XYLT1: variants seen among roughly 807,000 people sequenced by gnomAD.
XYLT1 encodes the protein beta-D-xylosyltransferase 1.
A neutral mutation model predicts 91.3 loss-of-function variants in XYLT1; 36 were observed. The ratio of observed to expected loss-of-function variants is 0.39; its 90% CI spans 0.30 to 0.52. XYLT1 has a LOEUF of 0.52. XYLT1 is among the 20% of genes least tolerant of loss of function. XYLT1 has a pLI of 0.68. For synonymous variants in XYLT1, 588 were observed against 532.0 expected, an observed-to-expected ratio of 1.11 and a Z score of -1.45; for missense variants, 1,242 against 1,284.5, an observed-to-expected ratio of 0.97 and a Z score of 0.51.
chr16:17,210,417 A>G (rs2032735275), intron 3 of XYLT1, among the ~76,000 whole-genome samples: 1 of 152,154 alleles, frequency 6.6e-6, no homozygotes, highest in African/African-American at 2.4e-5. Context: ...TCTCTACTAA[A>G]AATGCAAAAA....
intron 1 of XYLT1, among the ~76,000 whole-genome samples, chr16:17,397,802 A>G (rs1448428411): frequency 6.7e-6 from 1 of 148,766 alleles, no homozygotes. Context: ...CGATTTTACT[A>G]GGGCACTCCA....
At chr16:17,210,836 C>T (rs562892405) in intron 3 of XYLT1, among the ~76,000 whole-genome samples, 3 of 152,318 alleles carry the variant, frequency 2.0e-5, no homozygotes, top group African/African-American at 4.8e-5. Flanking sequence ...GAATACCCTA[C>T]CAGCAAACTC....
intron 1 of XYLT1, among the ~76,000 whole-genome samples, chr16:17,462,002 A>C (rs917750962): frequency 2.6e-5 from 4 of 152,136 alleles, no homozygotes; most frequent in African/African-American, 9.7e-5. Context: ...CATAGTTGCA[A>C]TGTTTGTGCC....
intron 6 of XYLT1, among the ~76,000 whole-genome samples, chr16:17,149,485 A>C (rs16968512): frequency 0.021 from 3,205 of 152,314 alleles, 118 homozygotes; most frequent in African/African-American, 0.073. Context: ...CCTGTCTGGT[A>C]ATCTGTCATT....
chr16:17,129,027 C>T (rs67498206), intron 9 of XYLT1, among the ~76,000 whole-genome samples: 35,096 of 144,630 alleles, frequency 0.24, 4,639 homozygotes, highest in East Asian at 0.58. Context: ...TCACACATCT[C>T]CTGAAATCAT....
At chr16:17,298,944 T>C (rs972399641) in intron 2 of XYLT1, among the ~76,000 whole-genome samples, 6 of 152,202 alleles carry the variant, frequency 3.9e-5, no homozygotes, top group Non-Finnish European at 8.8e-5. Context: ...CTCTGGGCTA[T>C]TAAAGATTAT....
At chr16:17,428,103 C>T (rs183785406) in intron 1 of XYLT1, among the ~76,000 whole-genome samples, 233 of 152,168 alleles carry the variant, frequency 1.5e-3, no homozygotes, top group African/African-American at 5.3e-3. Flanking sequence ...CGATTCTCAC[C>T]CTCCTGAGTA....
chr16:17,353,217 C>T (rs2035244929), intron 2 of XYLT1, among the ~76,000 whole-genome samples: 1 of 152,222 alleles, frequency 6.6e-6, no homozygotes, highest in Non-Finnish European at 1.5e-5. Flanking sequence ...CCCTCTAACT[C>T]TAGCTGAGTT....
At chr16:17,195,202 C>A (rs758239741) in intron 5 of XYLT1, among the ~76,000 whole-genome samples, 6 of 152,158 alleles carry the variant, frequency 3.9e-5, no homozygotes, top group Non-Finnish European at 7.4e-5. Context: ...GATGATGCTA[C>A]GCATCCTGCA....
At chr16:17,284,547 G>T (rs968599793) in intron 2 of XYLT1, among the ~76,000 whole-genome samples, 2 of 152,230 alleles carry the variant, frequency 1.3e-5, no homozygotes, top group Non-Finnish European at 2.9e-5. Flanking sequence ...GTAGCATTTG[G>T]GTGGCCCAAT....
At position 17,197,014 on chromosome 16, in the gene XYLT1, A is replaced by AATATATATATATATATATATATAT. The variant is rs536988187; in HGVS notation, c.1289+1197_1289+1198insATATATATATATATATATATATAT. ...TGACAGAGCGAGACTCTGTCTCCAA[A>AATATATATATATATATATATATAT]ATATATATATATATATAGATATATA... On this transcript the variant is annotated intron_variant, in intron 5 of 11. Coordinates refer to ENST00000261381, the MANE Select transcript of XYLT1 (RefSeq NM_022166.4). Among the ~76,000 whole-genome samples the AATATATATATATATATATATATAT allele has an allele frequency of 5.7e-3, 623 of 109,940 alleles. 15 individuals carry two copies. Among genetic ancestry groups the AATATATATATATATATATATATAT allele is most frequent in the Non-Finnish European group, 7.8e-3 (446 of 57,410 alleles). The allele number at this position is 109,940 out of a possible 152,430, so 72.1% of individuals were successfully genotyped here.
rs3060128 is a variant in XYLT1 at position 17,253,823 on chromosome 16, T to TGAGAGAGAGAGA, written c.913+5153_913+5164dup. Among the ~76,000 whole-genome samples, 988 of 114,794 alleles carry TGAGAGAGAGAGA rather than the reference T, an allele frequency of 8.6e-3. 9 individuals carry two copies. The highest frequency in any genetic ancestry group is 0.044 in the Admixed American group (484 of 10,882). 75.3% of individuals were successfully genotyped at this position (114,794 alleles called of 152,430 possible). ...CCCTGCCTTCTTCTCCCTTGCAACTTGAGAGAGAGAGAGAGAGAGAGAGAG... is the reference window on the plus strand; with the variant it reads ...CCCTGCCTTCTTCTCCCTTGCAACTTGAGAGAGAGAGAGAGAGAGAGAGAGAGAGAGAGAGAG... On this transcript the variant is annotated intron_variant, in intron 3 of 11. Coordinates refer to ENST00000261381, the MANE Select transcript of XYLT1 (RefSeq NM_022166.4).
intron 1 of XYLT1, among the ~76,000 whole-genome samples, chr16:17,420,181 G>A (rs926060681): frequency 6.6e-6 from 1 of 152,080 alleles, no homozygotes; most frequent in Non-Finnish European, 1.5e-5. Context: ...AGCCACAAGT[G>A]CCCAAATTAT....
In XYLT1 at chr16:17,181,340, A is replaced by T. The variant is rs192879129; in HGVS notation, c.1289+16872T>A. On this transcript the variant is annotated intron_variant, in intron 5 of 11. Coordinates refer to ENST00000261381, the MANE Select transcript of XYLT1 (RefSeq NM_022166.4). ...CTGCATTTCTGTATTAGTACAAGGA[A>T]TAGAGACATAAAATATAAGAGGAAG... Among the ~76,000 whole-genome samples, 306 of 152,346 alleles carry T rather than the reference A, an allele frequency of 2.0e-3. 1 individual carries two copies. Among genetic ancestry groups the T allele is most frequent in the African/African-American group, 7.1e-3 (297 of 41,592 alleles).
chr16:17,251,605 G>T (rs781578358), intron 3 of XYLT1, among the ~76,000 whole-genome samples: 1 of 152,200 alleles, frequency 6.6e-6, no homozygotes, highest in African/African-American at 2.4e-5. Context: ...ACACAGAGAG[G>T]CTGGTGGCCG....
chr16:17,316,823 ATTTT>A (rs879309501), intron 2 of XYLT1, among the ~76,000 whole-genome samples: 1 of 131,270 alleles, frequency 7.6e-6, no homozygotes, highest in Non-Finnish European at 1.6e-5. Context: ...CCACAGGCAG[ATTTT>A]TTTTTTTTTT....
chr16:17,318,863 C>T (rs1023625128), intron 2 of XYLT1, among the ~76,000 whole-genome samples: 1 of 151,954 alleles, frequency 6.6e-6, no homozygotes, highest in Non-Finnish European at 1.5e-5. Flanking sequence ...TCTCAGCTCC[C>T]TGCAACCTCT....
intron 2 of XYLT1, among the ~76,000 whole-genome samples, chr16:17,340,550 C>T (rs1028331811): frequency 6.6e-6 from 1 of 152,224 alleles, no homozygotes; most frequent in Non-Finnish European, 1.5e-5. Flanking sequence ...ACAAACTGCA[C>T]AGAATGGTAG....
intron 2 of XYLT1, among the ~76,000 whole-genome samples, chr16:17,281,654 G>A (rs990090026): frequency 6.6e-6 from 1 of 152,162 alleles, no homozygotes; most frequent in African/African-American, 2.4e-5. Context: ...GTAAGTGTTG[G>A]CAAGGTGTTA....
Sources: allele counts gnomAD v4.1 joint callset (sites outside exome capture counted in the v4.1 genomes callset), GRCh38; gene constraint gnomAD v4.1.1; transcripts MANE v1.5; gene names NCBI Gene and HGNC (gene_info 2026-07-23, HGNC 2026-07-21).